USP50: variants seen among roughly 807,000 people sequenced by gnomAD.
USP50 encodes the protein ubiquitin specific peptidase 50, also known as ubiquitin carboxyl-terminal hydrolase 50.
In USP50, 37 loss-of-function variants were observed where a neutral mutation model predicts 39.2. That is an observed-to-expected ratio of 0.94 (90% CI 0.73 to 1.24). USP50 has a LOEUF of 1.24. Ranked by LOEUF, USP50 falls within the 50% of genes most tolerant of loss-of-function variation. USP50 has a pLI of 0.00. For missense variants in USP50, 374 were observed against 398.2 expected (o/e 0.94, Z 0.52); for synonymous variants, 139 against 144.5 (o/e 0.96, Z 0.27).
At chr15:50,539,360 C>G (rs1400427161) in intron 4 of USP50, among the ~76,000 whole-genome samples, 1 of 151,098 alleles carries the variant, frequency 6.6e-6, no homozygotes, top group Non-Finnish European at 1.5e-5. Flanking sequence ...GCCACCACAC[C>G]CAGCCTATAC....
At position 50,538,752 on chromosome 15, in the gene USP50, T is replaced by C; in HGVS notation, c.760A>G (p.Ser254Gly). Residue 254 changes from serine to glycine, a missense_variant, in exon 5 of 7, where the codon AGT (serine) becomes GGT (glycine). Transcript: ENST00000532404. ...ATTATTTTTGGTGCTTTGGAAATAC[T>C]GGCCCTCACAGCAGTTTCTTGCTTG... is the stretch of plus-strand genomic sequence containing the variant. ...ETKQETAVRA[S>G]ISKAPKIIIF... 1 of 1,613,006 alleles carries C rather than the reference T, an allele frequency of 6.2e-7. No individual in the cohort carries two copies. The highest frequency in any genetic ancestry group is 8.5e-7 in the Non-Finnish European group (1 of 1,179,462).
chr15:50,521,691 AATGGCTC>A (rs1596011975), intron 6 of USP50, among the ~76,000 whole-genome samples: 1 of 152,128 alleles, frequency 6.6e-6, no homozygotes, highest in East Asian at 1.9e-4. Flanking sequence ...AGCCGAGTAC[AATGGCTC>A]ATGCCTGTAA....
chr15:50,507,032 C>G (rs923344989), intron 6 of USP50: 2 of 147,516 alleles, frequency 1.4e-5, no homozygotes, highest in African/African-American at 5.0e-5. Context: ...CCTGTAATCC[C>G]AACACTTTGG....
chr15:50,524,367 C>G (rs1286286266), intron 6 of USP50, among the ~76,000 whole-genome samples: 1 of 152,080 alleles, frequency 6.6e-6, no homozygotes, highest in Non-Finnish European at 1.5e-5. Context: ...ATTTGCAAAC[C>G]ATACATCTGA....
chr15:50,535,652 G>A (rs3101858), intron 5 of USP50, among the ~76,000 whole-genome samples: 39,712 of 152,092 alleles, frequency 0.26, 5,300 homozygotes, highest in East Asian at 0.47. Context: ...AGTGGCTCAC[G>A]CCTGTAATTC....
downstream of USP50, chr15:50,498,312 A>G: frequency 3.8e-6 from 1 of 263,882 alleles, no homozygotes; most frequent in Non-Finnish European, 7.1e-6. Flanking sequence ...CCTTCCTAGA[A>G]GACTCATGTA....
chr15:50,525,532 G>A (rs1566907462), intron 6 of USP50, among the ~76,000 whole-genome samples: 1 of 88,924 alleles, frequency 1.1e-5, no homozygotes, highest in Non-Finnish European at 2.2e-5. Flanking sequence ...ATATGTATAT[G>A]TATATGTATA....
At chr15:50,496,480 TAAAA>T (rs35899607), downstream of USP50, among the ~76,000 whole-genome samples, 2 of 116,496 alleles carry the variant, frequency 1.7e-5, no homozygotes, top group South Asian at 2.9e-4. Context: ...GACTCCGTCT[TAAAA>T]AAAAAAAAAA....
intron 6 of USP50, chr15:50,502,732 A>T (rs950859977): frequency 1.3e-5 from 2 of 152,296 alleles, no homozygotes; most frequent in African/African-American, 4.8e-5. Context: ...TCCTAGGCAC[A>T]AGCAGTCCTC....
chr15:50,524,612 T>A (rs3098196), intron 6 of USP50, among the ~76,000 whole-genome samples: 88,110 of 152,136 alleles, frequency 0.58, 25,624 homozygotes, highest in Admixed American at 0.63. Flanking sequence ...AAGATGAAAG[T>A]TAACAAGTGT....
chr15:50,493,838 C>T, downstream of USP50: 1 of 667,894 alleles, frequency 1.5e-6, no homozygotes, highest in East Asian at 2.9e-5. Context: ...GAACTGGAGC[C>T]TGTTGATGAT....
chr15:50,546,005 C>G (rs1258603585), intron 1 of USP50, among the ~76,000 whole-genome samples: 1 of 151,314 alleles, frequency 6.6e-6, no homozygotes, highest in Admixed American at 6.7e-5. Context: ...TTGCCCAGAC[C>G]TGCCTGCACA....
Position 50,500,650 on chromosome 15 carries a change from G to A in USP50, c.*119C>T, listed in dbSNP as rs2052566249. ...AGTGTTCAGGAAACACCATTTTCCT[G>A]GCTCTTAACGCTTTTGTATTGGTAT... On this transcript the variant is annotated 3_prime_UTR_variant, in exon 7 of 7. Coordinates refer to ENST00000532404, the MANE Select transcript of USP50 (RefSeq NM_203494.5). 7.5e-6 allele frequency: 7 copies of A among 938,882 alleles called. No individual in the cohort carries two copies. In the East Asian group the frequency reaches 1.9e-4, roughly 25 times the overall value. 58.2% of individuals were successfully genotyped at this position (938,882 alleles called of 1,614,324 possible).
intron 5 of USP50, among the ~76,000 whole-genome samples, chr15:50,532,862 T>C (rs761202406): frequency 2.0e-5 from 3 of 152,198 alleles, no homozygotes; most frequent in Non-Finnish European, 2.9e-5. Context: ...TTCTTTTCTT[T>C]TCTTTTAACT....
At chr15:50,539,144 C>G (rs1307982905) in intron 4 of USP50, among the ~76,000 whole-genome samples, 5 of 144,666 alleles carry the variant, frequency 3.5e-5, no homozygotes, top group Admixed American at 7.0e-5. Context: ...GAGTCTCGCT[C>G]TGTCACACAG....
Position 50,500,677 on chromosome 15 carries a change from G to A in USP50, c.*92C>T, listed in dbSNP as rs3803373. The stretch of plus-strand genomic sequence containing the variant: ...CTCTTAACGCTTTTGTATTGGTATG[G>A]AAAAGGGCTGGCAGCTATAGAACAG... On this transcript the variant is annotated 3_prime_UTR_variant, in exon 7 of 7. Transcript: ENST00000532404. The A allele has an allele frequency of 0.031, 39,261 of 1,286,112 alleles. 1,016 individuals are homozygous for A. The highest frequency in any genetic ancestry group is 0.089 in the East Asian group (3,509 of 39,244). The allele number at this position is 1,286,112 out of a possible 1,614,324, so 79.7% of individuals were successfully genotyped here.
At chr15:50,520,905 T>C (rs1259654033) in intron 6 of USP50, among the ~76,000 whole-genome samples, 2 of 152,180 alleles carry the variant, frequency 1.3e-5, no homozygotes, top group Non-Finnish European at 2.9e-5. Flanking sequence ...TTTGACAGCA[T>C]AATAGAGTCA....
intron 5 of USP50, among the ~76,000 whole-genome samples, chr15:50,530,824 T>C (rs962964028): frequency 1.3e-5 from 2 of 152,178 alleles, no homozygotes; most frequent in Non-Finnish European, 2.9e-5. Context: ...TGATAATTCC[T>C]GAGGCTTTTG....
intron 6 of USP50, chr15:50,504,981 CAA>C (rs773642840): frequency 1.7e-4 from 13 of 78,558 alleles, no homozygotes; most frequent in Non-Finnish European, 1.1e-4. Flanking sequence ...GACTCCATCT[CAA>C]AAAAAAAAAA....
Sources: allele counts gnomAD v4.1 joint callset (sites outside exome capture counted in the v4.1 genomes callset), GRCh38; gene constraint gnomAD v4.1.1; transcripts MANE v1.5; gene names NCBI Gene and HGNC (gene_info 2026-07-23, HGNC 2026-07-21).